The following SENP2 variants were observed in gnomAD, a reference collection of about 807,000 sequenced individuals.
SENP2 encodes SUMO specific peptidase 2.
A neutral mutation model predicts 86.3 loss-of-function variants in SENP2; 16 were observed. The observed-to-expected ratio is 0.19, with a 90% CI of 0.13 to 0.28. The LOEUF (loss-of-function observed/expected upper bound fraction) is 0.28, where lower values mean the gene tolerates loss of function less well. Ranked by LOEUF, SENP2 falls within the 10% of genes least tolerant of loss-of-function variation. The probability of loss-of-function intolerance (pLI) is 1.00; values close to 1 mark genes in which losing one functional copy is unlikely to be tolerated. For synonymous variants in SENP2, 222 were observed against 238.7 expected (o/e 0.93, Z 0.64); for missense variants, 552 against 703.0 (o/e 0.79, Z 2.43).
chr3:185,626,236 A>G lies in SENP2; in HGVS notation c.1612-62A>G, dbSNP rs1712139219. ...TTACAGCAATATTTAGAAAAAGTCC[A>G]AGGAATTTGTATTTAATGATGTTTT... On this transcript the variant is annotated intron_variant, in intron 15 of 16. Coordinates refer to ENST00000296257, the MANE Select transcript of SENP2 (RefSeq NM_021627.3). 1.5e-5 allele frequency: 17 copies of G among 1,103,476 alleles called. 1 individual carries two copies. The South Asian group carries it at 1.9e-4, about 12-fold the overall frequency. The allele number at this position is 1,103,476 out of a possible 1,614,324, so 68.4% of individuals were successfully genotyped here.
At chr3:185,606,254 G>C (rs1368800378) in intron 5 of SENP2, 76 bp from the exon 6 acceptor site, 1 of 1,354,180 alleles carries the variant, frequency 7.4e-7, no homozygotes, top group Non-Finnish European at 1.0e-6. Context: ...TTAATCACAG[G>C]ATGGTCTGGG....
At chr3:185,620,357 G>A (rs889232768) in intron 13 of SENP2, among the ~76,000 whole-genome samples, 6 of 152,278 alleles carry the variant, frequency 3.9e-5, no homozygotes, top group Non-Finnish European at 5.9e-5. Context: ...GTGAGATGCC[G>A]CACCTGGCCT....
At chr3:185,598,569 A>G in intron 3 of SENP2, 24 bp downstream of exon 3, 1 of 1,606,214 alleles carries the variant, frequency 6.2e-7, no homozygotes, top group South Asian at 1.1e-5. Flanking sequence ...AGACTCCATT[A>G]GGAATACTGA....
Position 185,632,933 on chromosome 3 carries a change from A to G in SENP2, c.*3089A>G, listed in dbSNP as rs1451242123. ...AAATTGATGTGGATTTTAAAAATAT[A>G]CCATTGAGAACACGTATCTTTCTCA... On this transcript the variant is annotated 3_prime_UTR_variant, in exon 17 of 17. Coordinates refer to ENST00000296257, the MANE Select transcript of SENP2 (RefSeq NM_021627.3). 1.3e-5 allele frequency: 2 copies of G among 152,206 alleles called. No individual in the cohort carries two copies. Among genetic ancestry groups the G allele is most frequent in the Non-Finnish European group, 2.9e-5 (2 of 68,046 alleles). 9.4% of individuals were successfully genotyped at this position (152,206 alleles called of 1,614,324 possible).
Position 185,625,357 on chromosome 3 carries a change from C to T in SENP2, c.1612-941C>T, listed in dbSNP as rs189717002. 1.3e-3 allele frequency among the ~76,000 whole-genome samples: 205 copies of T among 152,242 alleles called. 2 individuals are homozygous for T. The highest frequency in any genetic ancestry group is 2.2e-3 in the Non-Finnish European group (149 of 68,022). ...TGATCTCCTGACCTCGTGATCCGCC[C>T]GCCTCTGCCTCCCAAAGTGCTGGGA... On this transcript the variant is annotated intron_variant, in intron 15 of 16. Transcript: ENST00000296257.
rs1445024062 is a variant in SENP2 at position 185,613,287 on chromosome 3, A to G, written c.870-58A>G. On this transcript the variant is annotated intron_variant, in intron 9 of 16. Coordinates refer to ENST00000296257, the MANE Select transcript of SENP2 (RefSeq NM_021627.3). ...ACGAAATCTTATTTCTAAAACTAGG[A>G]TGTACTAGGTTTGAATCATCTAGCA... The G allele has an allele frequency of 2.7e-5, 25 of 941,190 alleles. No individual in the cohort carries two copies. In the East Asian group the frequency reaches 4.9e-4, roughly 18 times the overall value. The allele number at this position is 941,190 out of a possible 1,614,324, so 58.3% of individuals were successfully genotyped here.
intron 13 of SENP2, among the ~76,000 whole-genome samples, chr3:185,620,098 T>C (rs1711789890): frequency 6.6e-6 from 1 of 151,756 alleles, no homozygotes; most frequent in South Asian, 2.1e-4. Context: ...GGTCTCATTC[T>C]GCCACCCAAG....
intron 10 of SENP2, chr3:185,614,356 A>G (rs1431554905): frequency 9.8e-6 from 5 of 512,290 alleles, no homozygotes; most frequent in African/African-American, 2.0e-5. Flanking sequence ...TTGATGGTTC[A>G]TAACTGAGGG....
At chr3:185,593,846 A>G (rs1461828224) in intron 2 of SENP2, among the ~76,000 whole-genome samples, 1 of 150,906 alleles carries the variant, frequency 6.6e-6, no homozygotes, top group Non-Finnish European at 1.5e-5. Context: ...CTCCTGCCTC[A>G]GCCTCCCGAG....
In SENP2 at chr3:185,630,169, G is replaced by T. The variant is rs999081491; in HGVS notation, c.*325G>T. The T allele has an allele frequency of 3.7e-5, 9 of 241,282 alleles. No individual in the cohort carries two copies. Among genetic ancestry groups the T allele is most frequent in the Non-Finnish European group, 5.8e-5 (7 of 120,148 alleles). 14.9% of individuals were successfully genotyped at this position (241,282 alleles called of 1,614,324 possible). ...GCAGGATTTATTCTGTGAATTGTTTGTTTCTGTGTGTTTGTTCAGCGTATT... is the reference window on the plus strand; with the variant it reads ...GCAGGATTTATTCTGTGAATTGTTTTTTTCTGTGTGTTTGTTCAGCGTATT... On this transcript the variant is annotated 3_prime_UTR_variant, in exon 17 of 17. Coordinates refer to ENST00000296257, the MANE Select transcript of SENP2 (RefSeq NM_021627.3).
chr3:185,591,442 C>G (rs767917895), intron 2 of SENP2, among the ~76,000 whole-genome samples: 23 of 152,004 alleles, frequency 1.5e-4, no homozygotes, highest in Non-Finnish European at 2.8e-4. Context: ...ACCTCCACCT[C>G]CCGGGTTCAC....
At chr3:185,607,272 T>C (rs2148987598) in intron 6 of SENP2, among the ~76,000 whole-genome samples, 1 of 151,372 alleles carries the variant, frequency 6.6e-6, no homozygotes, top group Middle Eastern at 3.5e-3. Flanking sequence ...TTATTTTTAT[T>C]ATAAGGAAGA....
At position 185,599,002 on chromosome 3, in the gene SENP2, C is replaced by G. The variant is rs748123475; in HGVS notation, c.336C>G (p.Ser112=). Residue 112 remains serine, a synonymous_variant, in exon 4 of 17, where the codon TCC becomes TCG. Transcript: ENST00000296257. ...CTTGTGAACTGACAGGTTCTGGATC[C>G]TGGAACAACATGCTGAAACTGGGTG... is the stretch of plus-strand genomic sequence containing the variant. ...SSSCELTGSG[S]WNNMLKLGNK... is the part of the protein sequence containing the mutation. 3.1e-6 allele frequency: 5 copies of G among 1,612,458 alleles called. No individual in the cohort carries two copies. The highest frequency in any genetic ancestry group is 4.2e-6 in the Non-Finnish European group (5 of 1,179,422).
Position 185,590,147 on chromosome 3 carries a change from AC to A in SENP2, c.137del (p.Pro46GlnfsTer7). 6.4e-7 allele frequency: 1 copy of A among 1,555,874 alleles called. No homozygotes were observed. Among genetic ancestry groups the A allele is most frequent in the Non-Finnish European group, 8.7e-7 (1 of 1,150,928 alleles). ...LFSTVDTDEI[P>X]AKRPRLDCFI... Reference sequence around the variant, plus strand: ...TTTCTACAGTGGACACTGATGAAATACCAGCCAAAAGACCAAGATTAGGTAC... The same window carrying A: ...TTTCTACAGTGGACACTGATGAAATACAGCCAAAAGACCAAGATTAGGTAC... On this transcript the variant is annotated frameshift_variant, in exon 2 of 17. Transcript: ENST00000296257.
intron 16 of SENP2, 117 bp from the exon 17 acceptor site, chr3:185,629,665 G>T: frequency 1.1e-6 from 1 of 926,426 alleles, no homozygotes. Flanking sequence ...ATGTAAAAAT[G>T]TCAACACTTA....
intron 7 of SENP2, among the ~76,000 whole-genome samples, chr3:185,609,984 A>T (rs1198942996): frequency 6.6e-6 from 1 of 152,140 alleles, no homozygotes; most frequent in Admixed American, 6.6e-5. Flanking sequence ...GAGTGGCAGA[A>T]GGAAGTGATA....
chr3:185,623,826 CAAAAAAAA>C (rs63707460), intron 14 of SENP2, among the ~76,000 whole-genome samples, 164 bp from the exon 15 acceptor site: 4 of 47,774 alleles, frequency 8.4e-5, no homozygotes, highest in African/African-American at 2.3e-4. Flanking sequence ...GACTCTGTCT[CAAAAAAAA>C]AAAAAAAAAA....
chr3:185,632,926 A>C lies in SENP2; in HGVS notation c.*3082A>C, dbSNP rs1712553495. 1.3e-5 allele frequency: 2 copies of C among 152,238 alleles called. No homozygotes were observed. The highest frequency in any genetic ancestry group is 2.9e-5 in the Non-Finnish European group (2 of 68,042). 9.4% of individuals were successfully genotyped at this position (152,238 alleles called of 1,614,324 possible). On this transcript the variant is annotated 3_prime_UTR_variant, in exon 17 of 17. Transcript: ENST00000296257. ...CTCTTAAAAATTGATGTGGATTTTA[A>C]AAATATACCATTGAGAACACGTATC... is the stretch of plus-strand genomic sequence containing the variant.
At chr3:185,618,903 G>A (rs1711734127) in intron 12 of SENP2, among the ~76,000 whole-genome samples, 1 of 152,072 alleles carries the variant, frequency 6.6e-6, no homozygotes, top group African/African-American at 2.4e-5. Flanking sequence ...ACCACTCAGA[G>A]ATAAATAAAA....
Sources: gnomAD v4.1 joint callset for allele counts (sites outside exome capture counted in the v4.1 genomes callset) on GRCh38, gnomAD v4.1.1 for gene constraint, MANE v1.5 for transcripts, NCBI Gene and HGNC (gene_info 2026-07-23, HGNC 2026-07-21) for gene names.